ULK2: variants seen among roughly 807,000 people sequenced by gnomAD.
ULK2 encodes the protein unc-51 like autophagy activating kinase 2, also known as serine/threonine-protein kinase ULK2.
ULK2 carries 76 observed loss-of-function variants against 127.5 expected under a neutral mutation model. The observed-to-expected ratio is 0.60, with a 90% CI of 0.50 to 0.72. The LOEUF (loss-of-function observed/expected upper bound fraction) is 0.72, where lower values mean the gene tolerates loss of function less well. ULK2 is among the 30% of genes least tolerant of loss of function. ULK2 has a pLI of 0.00. For synonymous variants in ULK2, 452 were observed against 461.9 expected, an observed-to-expected ratio of 0.98 and a Z score of 0.28; for missense variants, 1,144 against 1,295.9, an observed-to-expected ratio of 0.88 and a Z score of 1.80.
chr17:19,804,592 T>A (rs144375394), intron 15 of ULK2, 101 bp downstream of exon 15: 112 of 1,329,026 alleles, frequency 8.4e-5, no homozygotes, highest in Non-Finnish European at 1.1e-4. Context: ...TACACACATG[T>A]AAGACACTAT....
chr17:19,782,585 G>A (rs917704000), intron 22 of ULK2, among the ~76,000 whole-genome samples: 1 of 152,148 alleles, frequency 6.6e-6, no homozygotes. Flanking sequence ...GGGAGTGTGG[G>A]TAGACATAAC....
chr17:19,783,346 G>A (rs191382938), intron 22 of ULK2, among the ~76,000 whole-genome samples: 3 of 151,912 alleles, frequency 2.0e-5, no homozygotes, highest in African/African-American at 7.3e-5. Flanking sequence ...AGCTACTCGT[G>A]GGGGCTGAGG....
rs996090022 is a variant in ULK2, at chr17:19,774,334, CAAG to C, written c.*2012_*2014del. The C allele has an allele frequency of 6.6e-6, 1 of 152,364 alleles. No homozygotes were observed. Among genetic ancestry groups the C allele is most frequent in the African/African-American group, 2.4e-5 (1 of 41,442 alleles). 9.4% of individuals were successfully genotyped at this position (152,364 alleles called of 1,614,324 possible). A position where few individuals can be genotyped will look rare whatever the true frequency, so the allele number is the denominator to read the frequency against. ...CCCCAAGACCTTTAATATACAAGAACAAGAAGAATTAACTTGAAAGTCACAAAG... is the reference window on the plus strand; with the variant it reads ...CCCCAAGACCTTTAATATACAAGAACAAGAATTAACTTGAAAGTCACAAAG... On this transcript the variant is annotated 3_prime_UTR_variant, in exon 27 of 27. Coordinates refer to ENST00000395544, the MANE Select transcript of ULK2 (RefSeq NM_014683.4).
rs1207041222 is a variant in ULK2 at position 19,774,993 on chromosome 17, G to A, written c.*1356C>T. The A allele has an allele frequency of 6.6e-6, 1 of 152,524 alleles. No homozygotes were observed. Among genetic ancestry groups the A allele is most frequent in the Non-Finnish European group, 1.5e-5 (1 of 68,010 alleles). 9.4% of individuals were successfully genotyped at this position (152,524 alleles called of 1,614,324 possible). ...ATTACATTACTTTGTCAAAGTAAAG[G>A]AAAACCATGTTTGTTTTTATCAGTA... On this transcript the variant is annotated 3_prime_UTR_variant, in exon 27 of 27. Coordinates refer to ENST00000395544, the MANE Select transcript of ULK2 (RefSeq NM_014683.4).
chr17:19,836,569 C>T (rs1473591393), intron 10 of ULK2, among the ~76,000 whole-genome samples: 1 of 151,956 alleles, frequency 6.6e-6, no homozygotes, highest in Non-Finnish European at 1.5e-5. Context: ...CATGCCACTG[C>T]ACTCCAGGCT....
Position 19,782,469 on chromosome 17 carries a change from TATA to T in ULK2, c.2461-405_2461-403del, listed in dbSNP as rs1328654451. Among the ~76,000 whole-genome samples the T allele has an allele frequency of 2.0e-5, 3 of 152,260 alleles. No individual in the cohort carries two copies. The East Asian group carries it at 5.8e-4, about 29-fold the overall frequency. On this transcript the variant is annotated intron_variant, in intron 22 of 26. Coordinates refer to ENST00000395544, the MANE Select transcript of ULK2 (RefSeq NM_014683.4). ...ACTGTATTGAATTCTGCTGACTTCT[TATA>T]ATTTCAGAGTTGCTTTATTTAATTT...
At chr17:19,777,519 T>C in intron 26 of ULK2, 62 bp downstream of exon 26, 1 of 1,528,470 alleles carries the variant, frequency 6.5e-7, no homozygotes, top group South Asian at 1.3e-5. Flanking sequence ...CTCTTTGTAC[T>C]ATGCTTGTGA....
chr17:19,805,778 C>T (rs2087502983), intron 14 of ULK2, among the ~76,000 whole-genome samples: 1 of 152,032 alleles, frequency 6.6e-6, no homozygotes, highest in Non-Finnish European at 1.5e-5. Flanking sequence ...AAAAAAAAGG[C>T]CAAAAGACCT....
chr17:19,789,208 C>T (rs1212950247), intron 20 of ULK2, among the ~76,000 whole-genome samples: 1 of 151,880 alleles, frequency 6.6e-6, no homozygotes, highest in African/African-American at 2.4e-5. Context: ...TTTGCATCAC[C>T]CCACCCCCAC....
At chr17:19,866,334 T>C (rs2042350280) in intron 1 of ULK2, among the ~76,000 whole-genome samples, 1 of 149,716 alleles carries the variant, frequency 6.7e-6, no homozygotes, top group Non-Finnish European at 1.5e-5. Context: ...ACCCCATCTC[T>C]ACTAAAAATA....
intron 3 of ULK2, among the ~76,000 whole-genome samples, chr17:19,853,263 G>C (rs1443475163): frequency 6.6e-6 from 1 of 151,572 alleles, no homozygotes; most frequent in Non-Finnish European, 1.5e-5. Flanking sequence ...GCACCCCCGA[G>C]TAGCTAGGAC....
chr17:19,792,199 A>G (rs951569752), intron 20 of ULK2, among the ~76,000 whole-genome samples: 7 of 152,196 alleles, frequency 4.6e-5, no homozygotes, highest in African/African-American at 1.7e-4. Context: ...ACCTAAAATT[A>G]CTAGAAGAAA....
intron 10 of ULK2, among the ~76,000 whole-genome samples, chr17:19,834,872 C>T (rs983594377): frequency 6.6e-6 from 1 of 150,826 alleles, no homozygotes; most frequent in Non-Finnish European, 1.5e-5. Context: ...TTTTTACCAC[C>T]GTACTTAGGC....
chr17:19,819,439 G>C (rs169460), intron 12 of ULK2, among the ~76,000 whole-genome samples: 8 of 152,246 alleles, frequency 5.3e-5, no homozygotes, highest in South Asian at 4.2e-4. Context: ...GAGAAGAGTA[G>C]AGAGTTCCCC....
intron 24 of ULK2, 23 bp from the exon 25 acceptor site, chr17:19,780,652 A>C: frequency 6.3e-7 from 1 of 1,584,646 alleles, no homozygotes; most frequent in Non-Finnish European, 8.6e-7. Flanking sequence ...TGAGATGGGA[A>C]CTAATTTTAA....
chr17:19,818,221 G>C (rs567300908), intron 12 of ULK2, among the ~76,000 whole-genome samples: 2 of 151,986 alleles, frequency 1.3e-5, no homozygotes, highest in South Asian at 4.2e-4. Flanking sequence ...TACTCGGGGG[G>C]TTGAGGCAGG....
chr17:19,809,732 C>CGAAAAAAAAAAAA (rs750626905), intron 14 of ULK2, among the ~76,000 whole-genome samples: 1 of 90,500 alleles, frequency 1.1e-5, no homozygotes, highest in African/African-American at 4.8e-5. Context: ...GACTCCGTCT[C>CGAAAAAAAAAAAA]AAAAAAAAAA....
At chr17:19,810,131 T>TGGACTCCG (rs2087603047) in intron 14 of ULK2, among the ~76,000 whole-genome samples, 2 of 150,654 alleles carry the variant, frequency 1.3e-5, no homozygotes, top group Non-Finnish European at 2.9e-5. Flanking sequence ...CTCGGGAGGC[T>TGGACTCCG]GAGGCAGGAG....
intron 14 of ULK2, among the ~76,000 whole-genome samples, chr17:19,806,610 C>G (rs1045158349): frequency 6.6e-6 from 1 of 152,150 alleles, no homozygotes; most frequent in African/African-American, 2.4e-5. Context: ...CTTCCCTGGA[C>G]AAATTCCAGA....
Sources: allele counts gnomAD v4.1 joint callset (sites outside exome capture counted in the v4.1 genomes callset), GRCh38; gene constraint gnomAD v4.1.1; transcripts MANE v1.5; gene names NCBI Gene and HGNC (gene_info 2026-07-23, HGNC 2026-07-21).